Variants in PCDH15 observed in about 807,000 individuals in gnomAD.
PCDH15 encodes the protein protocadherin related 15.
In PCDH15, 129 loss-of-function variants were observed where a neutral mutation model predicts 178.5. The observed-to-expected ratio is 0.72, with a 90% CI of 0.63 to 0.84. The LOEUF (loss-of-function observed/expected upper bound fraction) is 0.84, where lower values mean the gene tolerates loss of function less well. PCDH15 is among the 40% of genes least tolerant of loss of function. The probability of loss-of-function intolerance (pLI) is 0.00; values close to 1 mark genes in which losing one functional copy is unlikely to be tolerated. For synonymous variants in PCDH15, 800 were observed against 732.0 expected (o/e 1.09, Z -1.50); for missense variants, 2,230 against 2,099.9 (o/e 1.06, Z -1.21).
intron 2 of PCDH15, among the ~76,000 whole-genome samples, chr10:55,121,359 G>T (rs1210320981): frequency 4.9e-4 from 5 of 10,176 alleles, no homozygotes; most frequent in African/African-American, 7.5e-4. Flanking sequence ...GCTCAGAGCT[G>T]GGGGGGGGCA....
intron 6 of PCDH15, among the ~76,000 whole-genome samples, chr10:54,330,424 TA>T (rs1939244501): frequency 6.6e-6 from 1 of 151,914 alleles, no homozygotes; most frequent in South Asian, 2.1e-4. Flanking sequence ...AAATGTAATC[TA>T]AACATAGAAA....
chr10:55,248,673 C>G (rs1203958269), intron 1 of PCDH15, among the ~76,000 whole-genome samples: 1 of 152,138 alleles, frequency 6.6e-6, no homozygotes, highest in East Asian at 1.9e-4. Context: ...TCTTGTGACT[C>G]AGCCTCCCAA....
At chr10:54,298,293 G>T (rs7915925) in intron 8 of PCDH15, among the ~76,000 whole-genome samples, 30,415 of 152,054 alleles carry the variant, frequency 0.2, 3,137 homozygotes, top group Admixed American at 0.23. Context: ...CCAAAAGTGA[G>T]CCCTAGGCCC....
intron 3 of PCDH15, among the ~76,000 whole-genome samples, chr10:54,418,950 C>A (rs1265243307): frequency 6.6e-6 from 1 of 151,746 alleles, no homozygotes; most frequent in East Asian, 1.9e-4. Context: ...TGAGGAGTGG[C>A]AATAGCTATG....
intron 3 of PCDH15, among the ~76,000 whole-genome samples, chr10:54,861,936 T>C (rs1338524187): frequency 1.3e-5 from 2 of 152,186 alleles, no homozygotes; most frequent in Non-Finnish European, 2.9e-5. Flanking sequence ...GCTAGGTAAA[T>C]ACACCTTCAG....
At chr10:54,179,115 A>G (rs973398622) in intron 13 of PCDH15, among the ~76,000 whole-genome samples, 1 of 152,142 alleles carries the variant, frequency 6.6e-6, no homozygotes, top group African/African-American at 2.4e-5. Flanking sequence ...AGACACATAC[A>G]CACGTATGTT....
chr10:54,432,455 G>T (rs1439829096), intron 3 of PCDH15, among the ~76,000 whole-genome samples: 1 of 152,040 alleles, frequency 6.6e-6, no homozygotes, highest in East Asian at 1.9e-4. Flanking sequence ...TTTCAATGAA[G>T]ATGCCAAAAA....
chr10:55,590,842 T>C (rs950443578), intron 2 of PCDH15, among the ~76,000 whole-genome samples: 1 of 152,154 alleles, frequency 6.6e-6, no homozygotes, highest in Non-Finnish European at 1.5e-5. Context: ...GTTCCTGCAC[T>C]CCTAGTAAGA....
At chr10:55,281,844 TATG>T (rs1422686934) in intron 1 of PCDH15, among the ~76,000 whole-genome samples, 6 of 152,192 alleles carry the variant, frequency 3.9e-5, no homozygotes, top group Non-Finnish European at 4.4e-5. Flanking sequence ...AACCCTGTAA[TATG>T]ATATTTATTC....
intron 3 of PCDH15, among the ~76,000 whole-genome samples, chr10:54,448,930 A>G (rs1176212276): frequency 6.6e-6 from 1 of 151,732 alleles, no homozygotes; most frequent in African/African-American, 2.4e-5. Flanking sequence ...TTTACTTCTC[A>G]AAGTTTCTCT....
At chr10:54,022,040 A>T (rs552720063) in intron 19 of PCDH15, among the ~76,000 whole-genome samples, 1 of 152,150 alleles carries the variant, frequency 6.6e-6, no homozygotes, top group African/African-American at 2.4e-5. Context: ...TGCTGAGTTC[A>T]ATTATGGAAG....
intron 2 of PCDH15, among the ~76,000 whole-genome samples, chr10:54,593,352 T>C (rs2092001576): frequency 6.6e-6 from 1 of 152,198 alleles, no homozygotes; most frequent in African/African-American, 2.4e-5. Context: ...ATTTTTATTT[T>C]TGTATGTGGT....
At chr10:53,909,887 G>A (rs183314453) in intron 25 of PCDH15, among the ~76,000 whole-genome samples, 40 of 152,310 alleles carry the variant, frequency 2.6e-4, no homozygotes, top group East Asian at 1.2e-3. Context: ...CCATGCCCAC[G>A]AAGCCTTGCT....
intron 8 of PCDH15, among the ~76,000 whole-genome samples, chr10:54,269,649 T>C (rs1393835826): frequency 1.3e-5 from 2 of 152,016 alleles, no homozygotes; most frequent in East Asian, 3.9e-4. Context: ...GTTCCATTTG[T>C]TAAAATTTGA....
intron 3 of PCDH15, among the ~76,000 whole-genome samples, chr10:54,406,859 A>G (rs1952745052): frequency 1.3e-5 from 2 of 152,302 alleles, no homozygotes; most frequent in South Asian, 4.1e-4. Flanking sequence ...CAACACAGTA[A>G]GAAACAACCA....
chr10:54,314,628 T>C lies in PCDH15; in HGVS notation c.876+2643A>G, dbSNP rs2061126414. On this transcript the variant is annotated intron_variant, in intron 8 of 37. Coordinates refer to ENST00000644397, the MANE Select transcript of PCDH15 (RefSeq NM_001384140.1). The stretch of plus-strand genomic sequence containing the variant: ...GGAGGTTGTTGTATAGATTATTGCG[T>C]CACCCAGTTAGTAAGCCCAGTACCC... Among the ~76,000 whole-genome samples the C allele has an allele frequency of 2.0e-5, 3 of 152,236 alleles. No individual in the cohort carries two copies. In the South Asian group the frequency reaches 6.2e-4, roughly 32 times the overall value.
intron 2 of PCDH15, among the ~76,000 whole-genome samples, chr10:55,329,020 T>A (rs1844122379): frequency 2.7e-5 from 4 of 147,756 alleles, no homozygotes; most frequent in Non-Finnish European, 6.0e-5. Flanking sequence ...TGTGTGTGTG[T>A]GTGTGTTTGT....
chr10:53,849,030 C>CT (rs1362519232), intron 28 of PCDH15, among the ~76,000 whole-genome samples: 1 of 151,934 alleles, frequency 6.6e-6, no homozygotes, highest in Non-Finnish European at 1.5e-5. Flanking sequence ...AGATTTTAAA[C>CT]TTTTTTCACC....
intron 2 of PCDH15, among the ~76,000 whole-genome samples, chr10:54,577,641 G>A (rs1034292298): frequency 4.6e-5 from 7 of 151,960 alleles, no homozygotes; most frequent in Non-Finnish European, 8.8e-5. Flanking sequence ...GCAAAGCATT[G>A]CTACAAAAAT....
Sources: allele counts gnomAD v4.1 joint callset (sites outside exome capture counted in the v4.1 genomes callset), GRCh38; gene constraint gnomAD v4.1.1; transcripts MANE v1.5; gene names NCBI Gene and HGNC (gene_info 2026-07-23, HGNC 2026-07-21).